Variants in EVL observed in about 807,000 individuals in gnomAD.
The protein encoded by EVL is Enah/Vasp-like, also known as ena/VASP-like protein.
Under a neutral mutation model 59.6 loss-of-function variants are expected in EVL, and 21 were observed. The observed-to-expected ratio is 0.35, with a 90% CI of 0.25 to 0.51. EVL has a LOEUF of 0.51. Among genes scored for constraint, EVL ranks in the 20% least tolerant of loss-of-function variants. The pLI is 0.97. For missense variants in EVL, 462 were observed against 546.6 expected, an observed-to-expected ratio of 0.85 and a Z score of 1.54; for synonymous variants, 198 against 203.5, an observed-to-expected ratio of 0.97 and a Z score of 0.23.
chr14:100,099,668 G>C (rs1886070430), intron 3 of EVL, among the ~76,000 whole-genome samples: 1 of 151,926 alleles, frequency 6.6e-6, no homozygotes, highest in Admixed American at 6.6e-5. Context: ...GAGCCATGAG[G>C]TGAATTTAAC....
rs1464971448 is a variant in EVL, at chr14:100,065,519, T to A, written c.11+8T>A. On this transcript the variant is annotated splice_region_variant and intron_variant, in intron 1 of 13. Transcript: ENST00000392920. ...TTCAGCCATGGCCACAAGGTGAGTA[T>A]TGGAACCAGTGCAGGGGACAGAGGG... The A allele has an allele frequency of 1.3e-6, 2 of 1,514,002 alleles. No individual in the cohort carries two copies. The highest frequency in any genetic ancestry group is 2.5e-5 in the South Asian group (2 of 78,992). The allele number at this position is 1,514,002 out of a possible 1,614,324, so 93.8% of individuals were successfully genotyped here. A position where few individuals can be genotyped will look rare whatever the true frequency, so the allele number is the denominator to read the frequency against.
At chr14:99,977,766 A>G (rs2060780191) in intron 1 of EVL, among the ~76,000 whole-genome samples, 1 of 152,018 alleles carries the variant, frequency 6.6e-6, no homozygotes, top group Non-Finnish European at 1.5e-5. Context: ...ACAGTAGCAT[A>G]AGAGCATTCT....
At chr14:100,124,234 G>A (rs560739593) in intron 4 of EVL, among the ~76,000 whole-genome samples, 49 of 152,284 alleles carry the variant, frequency 3.2e-4, no homozygotes, top group Admixed American at 2.7e-3. Context: ...GGCCTGGCCC[G>A]GGCCTTCCTC....
chr14:100,045,191 A>G (rs1231567830), intron 1 of EVL, among the ~76,000 whole-genome samples: 1 of 152,206 alleles, frequency 6.6e-6, no homozygotes, highest in African/African-American at 2.4e-5. Context: ...TGTTTTGAGT[A>G]TTAAAAGAGT....
intron 1 of EVL, among the ~76,000 whole-genome samples, chr14:100,077,811 C>T (rs1282600956): frequency 6.6e-6 from 1 of 152,116 alleles, no homozygotes; most frequent in Non-Finnish European, 1.5e-5. Context: ...CTGGCTCTGT[C>T]GCCCAGGCTA....
Position 100,137,580 on chromosome 14 carries a change from G to A in EVL, c.967G>A (p.Ala323Thr). 9 of 1,613,902 alleles carry A rather than the reference G, an allele frequency of 5.6e-6. No individual in the cohort carries two copies. The highest frequency in any genetic ancestry group is 7.6e-6 in the Non-Finnish European group (9 of 1,180,024). Residue 323 changes from alanine (A) to threonine (T), a missense_variant and splice_region_variant, in exon 10 of 14, where the codon GCT becomes ACT. Physicochemically the swap from Ala to Thr is moderately conservative, Grantham distance 58. Transcript: ENST00000392920. ...TCATCCATGAAATGAACTGACAGAG[G>A]CTGGCCGGAAGCCCTGGGAGCGGAG... ...AASQPPNSSEAGRKPWERSNS... is the reference protein window; with the variant it reads ...AASQPPNSSETGRKPWERSNS...
At chr14:100,112,507 C>T (rs1418047075) in intron 3 of EVL, among the ~76,000 whole-genome samples, 2 of 152,236 alleles carry the variant, frequency 1.3e-5, no homozygotes, top group African/African-American at 2.4e-5. Context: ...CTGCTTAGCC[C>T]GGCATGCTGT....
At chr14:100,115,786 G>A (rs1887305126) in intron 3 of EVL, among the ~76,000 whole-genome samples, 1 of 152,218 alleles carries the variant, frequency 6.6e-6, no homozygotes, top group Non-Finnish European at 1.5e-5. Context: ...TTCACGCCGG[G>A]TTCCTTTAAG....
chr14:100,045,266 C>T (rs1395909432), intron 1 of EVL, among the ~76,000 whole-genome samples: 1 of 152,230 alleles, frequency 6.6e-6, no homozygotes, highest in African/African-American at 2.4e-5. Flanking sequence ...GTTCCTGGCA[C>T]CTCTTCCTGG....
At chr14:100,035,045 A>G (rs987918363) in intron 1 of EVL, among the ~76,000 whole-genome samples, 23 of 152,228 alleles carry the variant, frequency 1.5e-4, no homozygotes, top group African/African-American at 5.3e-4. Context: ...GGAGGAATGA[A>G]TGAAGTTTGC....
chr14:100,047,357 A>G (rs1474206172), intron 1 of EVL, among the ~76,000 whole-genome samples: 4 of 151,876 alleles, frequency 2.6e-5, no homozygotes, highest in South Asian at 2.1e-4. Flanking sequence ...AGCATAGCCT[A>G]TCTATCTCTG....
At chr14:100,124,723 G>C (rs941299352) in intron 4 of EVL, among the ~76,000 whole-genome samples, 1 of 152,176 alleles carries the variant, frequency 6.6e-6, no homozygotes, top group African/African-American at 2.4e-5. Flanking sequence ...AGGTGTAAGC[G>C]TACAGGCGTG....
chr14:100,109,726 A>T lies in EVL; in HGVS notation c.358+12068A>T, dbSNP rs757207115. ...GGTTAATGGAATTGTCTCACACAGA[A>T]ATCGCACCCGTCACCTTGGCCTACT... On this transcript the variant is annotated intron_variant, in intron 3 of 13. Coordinates refer to ENST00000392920, the MANE Select transcript of EVL (RefSeq NM_016337.3). The surrounding 1 kb of genome is among the most constrained non-coding windows in gnomAD (Gnocchi z 4.3). The T allele has an allele frequency of 1.9e-6, 1 of 530,490 alleles. No homozygotes were observed. The highest frequency in any genetic ancestry group is 2.0e-5 in the Admixed American group (1 of 51,236). 32.9% of individuals were successfully genotyped at this position (530,490 alleles called of 1,614,324 possible).
At chr14:100,104,329 A>G (rs1886424584) in intron 3 of EVL, among the ~76,000 whole-genome samples, 1 of 152,210 alleles carries the variant, frequency 6.6e-6, no homozygotes, top group African/African-American at 2.4e-5. Flanking sequence ...TTATTGTAAT[A>G]TCTGGTCCTG....
exon 1 of EVL, chr14:99,971,736 C>T (rs1438238860): frequency 6.9e-6 from 1 of 143,962 alleles, no homozygotes; most frequent in Admixed American, 6.9e-5. Context: ...GCCGGCTCGC[C>T]CCCCGCCCCC....
chr14:100,060,159 G>A (rs908232045), intron 1 of EVL, among the ~76,000 whole-genome samples: 4 of 151,494 alleles, frequency 2.6e-5, no homozygotes, highest in East Asian at 1.9e-4. Context: ...TGCCGGGCGC[G>A]GTGGCTCACG....
In EVL at chr14:100,135,955, A is replaced by T. The variant is rs771858068; in HGVS notation, c.951A>T (p.Pro317=). The change falls in exon 9 of 14, where the codon CCA becomes CCT. Residue 317 remains proline (P), a synonymous_variant. Transcript: ENST00000392920. The part of the protein sequence containing the change: ...PSPGTRAASQ[P]PNSSEAGRKP... ...CGGGGACCCGAGCAGCCAGCCAGCC[A>T]CCTAACTCCTCAGGTGAGAGGGCGC... The T allele has an allele frequency of 1.2e-6, 2 of 1,613,668 alleles. No individual in the cohort carries two copies. The highest frequency in any genetic ancestry group is 1.7e-6 in the Non-Finnish European group (2 of 1,179,982).
chr14:100,053,291 T>C (rs560066946), intron 1 of EVL, among the ~76,000 whole-genome samples: 3 of 152,298 alleles, frequency 2.0e-5, no homozygotes, highest in African/African-American at 7.2e-5. Flanking sequence ...CCTCGTTTTT[T>C]CTCATTTCGC....
intron 1 of EVL, among the ~76,000 whole-genome samples, chr14:100,011,101 TAGG>T (rs1010919593): frequency 4.6e-5 from 7 of 152,200 alleles, no homozygotes; most frequent in African/African-American, 1.7e-4. Flanking sequence ...ATGGGCCAGA[TAGG>T]AGAGAATTTT....
Sources: gnomAD v4.1 joint callset for allele counts (sites outside exome capture counted in the v4.1 genomes callset) on GRCh38, gnomAD v4.1.1 for gene constraint, Gnocchi (gnomAD v3.1) non-coding constraint, MANE v1.5 for transcripts, NCBI Gene and HGNC (gene_info 2026-07-23, HGNC 2026-07-21) for gene names.